Variants in VSIG2 observed in about 807,000 individuals in gnomAD.
VSIG2 encodes the protein V-set and immunoglobulin domain-containing protein 2.
Under a neutral mutation model 29.4 loss-of-function variants are expected in VSIG2, and 30 were observed. The observed-to-expected ratio is 1.02, with a 90% CI of 0.76 to 1.38. The LOEUF (loss-of-function observed/expected upper bound fraction) is 1.38, where lower values mean the gene tolerates loss of function less well. VSIG2 is among the 40% of genes most tolerant of loss of function. VSIG2 has a pLI of 0.00. For synonymous variants in VSIG2, 178 were observed against 174.2 expected (o/e 1.02, Z -0.17); for missense variants, 421 against 400.8 (o/e 1.05, Z -0.43).
At position 124,752,123 on chromosome 11, in the gene VSIG2, C is replaced by T. The variant is rs1467884692; in HGVS notation, c.15G>A (p.Pro5=). The T allele has an allele frequency of 6.2e-7, 1 of 1,603,662 alleles. No homozygotes were observed. The highest frequency in any genetic ancestry group is 8.5e-7 in the Non-Finnish European group (1 of 1,178,130). ...GCAGGGCCCCGCAGAGAAAGGGCCC[C>T]GGGAGCTCGGCCATGGCCGCGTCCG... MAEL[P]GPFLCGALLG... The change falls in exon 1 of 7, where the codon CCG becomes CCA. Residue 5 remains proline (P), a synonymous_variant. Coordinates refer to ENST00000326621, the MANE Select transcript of VSIG2 (RefSeq NM_014312.5).
chr11:124,750,025 G>C (rs1255205846), intron 3 of VSIG2, among the ~76,000 whole-genome samples, 159 bp from the exon 4 acceptor site: 1 of 152,110 alleles, frequency 6.6e-6, no homozygotes, highest in Non-Finnish European at 1.5e-5. Context: ...GGAACTGAGG[G>C]ATTTCCACTA....
chr11:124,748,589 C>A, intron 5 of VSIG2, 55 bp from the exon 6 acceptor site: 2 of 1,606,636 alleles, frequency 1.2e-6, no homozygotes, highest in Non-Finnish European at 1.7e-6. Flanking sequence ...GGCCCACCAG[C>A]CGACAGCTTC....
intron 3 of VSIG2, 43 bp downstream of exon 3, chr11:124,750,671 A>G (rs1944074172): frequency 6.3e-7 from 1 of 1,597,010 alleles, no homozygotes; most frequent in South Asian, 1.1e-5. Context: ...CGCCCCAAGT[A>G]TGTGAAAGAG....
intron 3 of VSIG2, among the ~76,000 whole-genome samples, 190 bp downstream of exon 3, chr11:124,750,524 C>A (rs757354661): frequency 6.6e-6 from 1 of 151,992 alleles, no homozygotes; most frequent in Non-Finnish European, 1.5e-5. Flanking sequence ...GAGATGCTCT[C>A]GGTGGAGGGT....
rs1944082957 is a variant in VSIG2, at chr11:124,751,324, C to G, written c.219+99G>C. ...GAGCCCACTTACCTTTTCATCCAAGCATACTGATCCCCAAACTCCCCCTCC... is the reference window on the plus strand; with the variant it reads ...GAGCCCACTTACCTTTTCATCCAAGGATACTGATCCCCAAACTCCCCCTCC... On this transcript the variant is annotated intron_variant, in intron 2 of 6. Transcript: ENST00000326621. 4 of 1,459,364 alleles carry G rather than the reference C, an allele frequency of 2.7e-6. No homozygotes were observed. In the South Asian group the frequency reaches 4.8e-5, roughly 18 times the overall value. The allele number at this position is 1,459,364 out of a possible 1,614,324, so 90.4% of individuals were successfully genotyped here. A position where few individuals can be genotyped will look rare whatever the true frequency, so the allele number is the denominator to read the frequency against.
rs1944083361 is a variant in VSIG2 at position 124,751,363 on chromosome 11, T to C, written c.219+60A>G. The C allele has an allele frequency of 1.9e-6, 3 of 1,598,854 alleles. No individual in the cohort carries two copies. The South Asian group carries it at 3.3e-5, about 18-fold the overall frequency. On this transcript the variant is annotated intron_variant, in intron 2 of 6. Coordinates refer to ENST00000326621, the MANE Select transcript of VSIG2 (RefSeq NM_014312.5). Reference sequence around the variant, plus strand: ...AACTCCCCCTCCCGACCCCATGCCCTCATCCTGGGCTCCTGTCCCTCCAGG... The same window carrying C: ...AACTCCCCCTCCCGACCCCATGCCCCCATCCTGGGCTCCTGTCCCTCCAGG...
At position 124,752,242 on chromosome 11, in the gene VSIG2, G is replaced by A. The variant is rs967236171; in HGVS notation, c.-105C>T. The A allele has an allele frequency of 1.7e-6, 2 of 1,205,904 alleles. No individual in the cohort carries two copies. Among genetic ancestry groups the A allele is most frequent in the Admixed American group, 2.8e-5 (1 of 35,408 alleles). 74.7% of individuals were successfully genotyped at this position (1,205,904 alleles called of 1,614,324 possible). A position where few individuals can be genotyped will look rare whatever the true frequency, so the allele number is the denominator to read the frequency against. ...ACCCAAGGGCAGCCGCCCGGGCTGG[G>A]CAGGAGCGAGACTGGTATCTCAGAG... On this transcript the variant is annotated 5_prime_UTR_variant, in exon 1 of 7. Coordinates refer to ENST00000326621, the MANE Select transcript of VSIG2 (RefSeq NM_014312.5).
intron 2 of VSIG2, 49 bp from the exon 3 acceptor site, chr11:124,750,970 C>A (rs771746391): frequency 1.3e-6 from 2 of 1,589,836 alleles, no homozygotes; most frequent in South Asian, 1.1e-5. Context: ...TGCCTGGCAT[C>A]AACTCTACAG....
intron 2 of VSIG2, 140 bp from the exon 3 acceptor site, chr11:124,751,061 AAGGT>A: frequency 1.2e-6 from 1 of 859,224 alleles, no homozygotes; most frequent in Non-Finnish European, 1.8e-6. Context: ...TGGAACTCCA[AAGGT>A]CTCTCTGTCC....
In VSIG2 at chr11:124,748,636, A is replaced by G. The variant is rs752819257; in HGVS notation, c.706+8T>C. 1 of 1,611,346 alleles carries G rather than the reference A, an allele frequency of 6.2e-7. No individual in the cohort carries two copies. The highest frequency in any genetic ancestry group is 8.5e-7 in the Non-Finnish European group (1 of 1,178,226). On this transcript the variant is annotated splice_region_variant and intron_variant, in intron 5 of 6. Transcript: ENST00000326621. ...GCTGCTGGCCTGGCCTCCACCCAGC[A>G]TCCCTACCGGTCACAGAGAGGGTCA...
At chr11:124,748,930 G>A (rs555115829) in intron 4 of VSIG2, among the ~76,000 whole-genome samples, 167 bp from the exon 5 acceptor site, 2 of 152,278 alleles carry the variant, frequency 1.3e-5, no homozygotes, top group South Asian at 4.1e-4. Context: ...TGTCTGAGGT[G>A]ACCCAGAGAG....
intron 4 of VSIG2, 72 bp downstream of exon 4, chr11:124,749,636 G>A (rs569593604): frequency 9.0e-6 from 14 of 1,555,592 alleles, no homozygotes; most frequent in East Asian, 2.3e-5. Context: ...CGGATAATAC[G>A]GGTGTGTGGG....
In VSIG2 at chr11:124,747,587, G is replaced by A. The variant is rs1215920873; in HGVS notation, c.932C>T (p.Ser311Leu). The change falls in exon 7 of 7, where the codon TCG (serine) becomes TTG (leucine). Residue 311 changes from serine (S) to leucine (L), a missense_variant. By Grantham distance (145) the Ser-to-Leu change is moderately radical. Coordinates refer to ENST00000326621, the MANE Select transcript of VSIG2 (RefSeq NM_014312.5). ...GGTGGTCGTCACGGTGCTGGCAGAC[G>A]AGGGTCTTTCCAGGAACCCCTTGCT... The part of the protein sequence containing the change: ...DSSKGFLERP[S>L]SASTVTTTKS... 3 of 1,613,876 alleles carry A rather than the reference G, an allele frequency of 1.9e-6. No homozygotes were observed. The highest frequency in any genetic ancestry group is 2.5e-6 in the Non-Finnish European group (3 of 1,179,884).
chr11:124,748,798 T>C, intron 4 of VSIG2, 35 bp from the exon 5 acceptor site: 2 of 1,614,060 alleles, frequency 1.2e-6, no homozygotes, highest in Non-Finnish European at 1.7e-6. Flanking sequence ...CACGACTCAT[T>C]CAACTCAGTG....
chr11:124,749,885 A>G lies in VSIG2; in HGVS notation c.428-19T>C. ...GGGGGAACTGCAAAAAAAAAAAAAA[A>G]AAAAAAAAAACAGAAAGTTCCTCAG... is the stretch of plus-strand genomic sequence containing the variant. On this transcript the variant is annotated intron_variant, in intron 3 of 6. Transcript: ENST00000326621. 1 of 1,417,530 alleles carries G rather than the reference A, an allele frequency of 7.1e-7. No individual in the cohort carries two copies. The highest frequency in any genetic ancestry group is 1.3e-5 in the South Asian group (1 of 75,384). 87.8% of individuals were successfully genotyped at this position (1,417,530 alleles called of 1,614,324 possible). A position where few individuals can be genotyped will look rare whatever the true frequency, so the allele number is the denominator to read the frequency against.
intron 6 of VSIG2, 35 bp from the exon 7 acceptor site, chr11:124,747,702 GA>G: frequency 6.2e-7 from 1 of 1,602,134 alleles, no homozygotes; most frequent in Non-Finnish European, 8.5e-7. Flanking sequence ...GTGAACAGTA[GA>G]AGCCTCCTGC....
At position 124,747,687 on chromosome 11, in the gene VSIG2, T is replaced by C; in HGVS notation, c.852-20A>G. On this transcript the variant is annotated intron_variant, in intron 6 of 6. Transcript: ENST00000326621. ...TCCTCCCTGATGGGTATAGGCAAGTTCTGAGTGAACAGTAGAAGCCTCCTG... is the reference window on the plus strand; with the variant it reads ...TCCTCCCTGATGGGTATAGGCAAGTCCTGAGTGAACAGTAGAAGCCTCCTG... 1 of 1,610,400 alleles carries C rather than the reference T, an allele frequency of 6.2e-7. No homozygotes were observed. The highest frequency in any genetic ancestry group is 8.5e-7 in the Non-Finnish European group (1 of 1,178,620).
chr11:124,748,541 A>G lies in VSIG2; in HGVS notation c.707-7T>C. On this transcript the variant is annotated splice_polypyrimidine_tract_variant and splice_region_variant and intron_variant, in intron 5 of 6. Transcript: ENST00000326621. ...ACTCGGCCTTGGGAGGGTTCTAAGG[A>G]GATACAGGACCCTCACTCAGAATTG... 6.2e-7 allele frequency: 1 copy of G among 1,612,768 alleles called. No homozygotes were observed. The highest frequency in any genetic ancestry group is 8.5e-7 in the Non-Finnish European group (1 of 1,179,326).
rs376141038 is a variant in VSIG2, at chr11:124,748,546, C to G, written c.707-12G>C. 3.1e-6 allele frequency: 5 copies of G among 1,612,452 alleles called. No homozygotes were observed. The highest frequency in any genetic ancestry group is 1.3e-5 in the African/African-American group (1 of 74,870). On this transcript the variant is annotated splice_polypyrimidine_tract_variant and intron_variant, in intron 5 of 6. Transcript: ENST00000326621. ...GCCTTGGGAGGGTTCTAAGGAGATA[C>G]AGGACCCTCACTCAGAATTGCAGGC...
Sources: gnomAD v4.1 joint callset for allele counts (sites outside exome capture counted in the v4.1 genomes callset) on GRCh38, gnomAD v4.1.1 for gene constraint, MANE v1.5 for transcripts, NCBI Gene and HGNC (gene_info 2026-07-23, HGNC 2026-07-21) for gene names.